STOX1: variants seen among roughly 807,000 people sequenced by gnomAD.
The protein encoded by STOX1 is storkhead-box protein 1.
In STOX1, 57 loss-of-function variants were observed where a neutral mutation model predicts 74.8. The observed-to-expected ratio is 0.76, with a 90% CI of 0.62 to 0.95. The LOEUF is 0.95. Ranked by LOEUF, STOX1 falls within the 40% of genes least tolerant of loss-of-function variation. The probability of loss-of-function intolerance (pLI) is 0.00; values close to 1 mark genes in which losing one functional copy is unlikely to be tolerated. For synonymous variants in STOX1, 375 were observed against 401.3 expected (o/e 0.93, Z 0.78); for missense variants, 1,010 against 1,117.0 (o/e 0.90, Z 1.37).
intron 1 of STOX1, among the ~76,000 whole-genome samples, chr10:68,843,977 G>A (rs898770429): frequency 5.3e-5 from 8 of 152,078 alleles, no homozygotes; most frequent in African/African-American, 1.9e-4. Flanking sequence ...TCAGGAGATC[G>A]AGACCATCCT....
intron 1 of STOX1, among the ~76,000 whole-genome samples, chr10:68,871,207 C>G (rs1840527583): frequency 6.6e-6 from 1 of 152,152 alleles, no homozygotes. Context: ...CTGACTGAGG[C>G]TCCTTGTATC....
intron 3 of STOX1, among the ~76,000 whole-genome samples, chr10:68,891,332 AATAAAC>A (rs1841091159): frequency 6.6e-6 from 1 of 152,204 alleles, no homozygotes; most frequent in Non-Finnish European, 1.5e-5. Context: ...GGAGACAAAC[AATAAAC>A]ATAGGCAAGT....
Position 68,885,400 on chromosome 10 carries a change from G to C in STOX1, c.1604G>C (p.Arg535Thr). 6.2e-7 allele frequency: 1 copy of C among 1,614,140 alleles called. No homozygotes were observed. The highest frequency in any genetic ancestry group is 2.2e-5 in the East Asian group (1 of 44,882). ...AAGGAAAAGCCTTTCCAAAAGCCTA[G>C]GTCCTTGGATTCCTCAAGAATCTTT... ...GPKEKPFQKP[R>T]SLDSSRIFDG... Residue 535 changes from arginine to threonine, a missense_variant, in exon 3 of 4, where the codon AGG becomes ACG. Coordinates refer to ENST00000298596, the MANE Select transcript of STOX1 (RefSeq NM_152709.5).
At chr10:68,873,116 C>T (rs766096324) in intron 1 of STOX1, among the ~76,000 whole-genome samples, 1 of 152,040 alleles carries the variant, frequency 6.6e-6, no homozygotes, top group Non-Finnish European at 1.5e-5. Context: ...CTCAAGCAAT[C>T]CTCCAAGCCT....
chr10:68,843,590 G>C (rs60538142), intron 1 of STOX1, among the ~76,000 whole-genome samples: 8,446 of 152,030 alleles, frequency 0.056, 349 homozygotes, highest in East Asian at 0.23. Flanking sequence ...GCCCTGGCTG[G>C]AGTGCAATGG....
At chr10:68,889,335 C>T (rs1279672303) in intron 3 of STOX1, among the ~76,000 whole-genome samples, 1 of 152,074 alleles carries the variant, frequency 6.6e-6, no homozygotes, top group Non-Finnish European at 1.5e-5. Context: ...AAGTGTAAAA[C>T]GTTTTTTTGT....
rs1177808729 is a variant in STOX1, at chr10:68,892,590, A to T, written c.2824A>T (p.Thr942Ser). 1 of 1,613,334 alleles carries T rather than the reference A, an allele frequency of 6.2e-7. No individual in the cohort carries two copies. Among genetic ancestry groups the T allele is most frequent in the Admixed American group, 1.7e-5 (1 of 60,006 alleles). ...TTCTGTTATTTTTAATATCTTTAGG[A>T]CACAGAGTCTGGGATCTAATAATTC... is the stretch of plus-strand genomic sequence containing the variant. ...AGDSGIDSPRTQSLGSNNSVI... is the reference protein window; with the variant it reads ...AGDSGIDSPRSQSLGSNNSVI... Residue 942 changes from threonine (T) to serine (S), a missense_variant and splice_region_variant, in exon 4 of 4, where the codon ACA becomes TCA. Coordinates refer to ENST00000298596, the MANE Select transcript of STOX1 (RefSeq NM_152709.5).
intron 1 of STOX1, among the ~76,000 whole-genome samples, chr10:68,846,600 T>C (rs144091077): frequency 0.015 from 2,279 of 152,340 alleles, 24 homozygotes; most frequent in Non-Finnish European, 0.023. Context: ...CTGTTCTTTT[T>C]TCTTGATCGA....
At chr10:68,867,582 GC>G (rs1317429250) in intron 1 of STOX1, among the ~76,000 whole-genome samples, 11 of 152,214 alleles carry the variant, frequency 7.2e-5, no homozygotes, top group Non-Finnish European at 1.3e-4. Context: ...GTGCCAAGGG[GC>G]AGGGACAAGC....
At chr10:68,868,183 A>C (rs1400423852) in intron 1 of STOX1, among the ~76,000 whole-genome samples, 1 of 152,236 alleles carries the variant, frequency 6.6e-6, no homozygotes, top group East Asian at 1.9e-4. Context: ...GAATAAAGAC[A>C]CAGACAGAGA....
intron 1 of STOX1, among the ~76,000 whole-genome samples, chr10:68,842,658 G>A (rs940678025): frequency 6.7e-6 from 1 of 149,454 alleles, no homozygotes; most frequent in Admixed American, 6.8e-5. Context: ...CTCTGCCTCA[G>A]CCTCCCGAGT....
At chr10:68,851,924 A>G (rs942572688) in intron 1 of STOX1, among the ~76,000 whole-genome samples, 6 of 152,186 alleles carry the variant, frequency 3.9e-5, no homozygotes, top group African/African-American at 1.4e-4. Context: ...ACCTGAGTTC[A>G]GGAGTTCGAG....
At chr10:68,847,757 T>C (rs571656222) in intron 1 of STOX1, among the ~76,000 whole-genome samples, 13 of 145,968 alleles carry the variant, frequency 8.9e-5, no homozygotes, top group African/African-American at 3.1e-4. Flanking sequence ...GAGACGGAGT[T>C]TCGCTCTTGT....
In STOX1 at chr10:68,892,969, C is replaced by T. The variant is rs185224920; in HGVS notation, c.*233C>T. On this transcript the variant is annotated 3_prime_UTR_variant, in exon 4 of 4. Coordinates refer to ENST00000298596, the MANE Select transcript of STOX1 (RefSeq NM_152709.5). ...TTATTGGGAGTATATAGATTATTTT[C>T]GATTAAAAAGTGGAATTATTGGTCC... 3.3e-4 allele frequency: 130 copies of T among 397,856 alleles called. No homozygotes were observed. The highest frequency in any genetic ancestry group is 7.1e-4 in the Middle Eastern group (1 of 1,402). 24.6% of individuals were successfully genotyped at this position (397,856 alleles called of 1,614,324 possible).
At chr10:68,864,115 G>A (rs1225133968) in intron 1 of STOX1, among the ~76,000 whole-genome samples, 1 of 151,764 alleles carries the variant, frequency 6.6e-6, no homozygotes, top group Non-Finnish European at 1.5e-5. Flanking sequence ...TAGTAGAGGC[G>A]GGGTTTCACC....
chr10:68,863,920 GTTTTTTT>G (rs141718357), intron 1 of STOX1, among the ~76,000 whole-genome samples: 1 of 135,830 alleles, frequency 7.4e-6, no homozygotes, highest in Non-Finnish European at 1.6e-5. Flanking sequence ...AGTTCTGCTT[GTTTTTTT>G]TTTTTTTTTT....
intron 3 of STOX1, among the ~76,000 whole-genome samples, chr10:68,888,250 G>A (rs1449778865): frequency 2.0e-5 from 3 of 151,838 alleles, no homozygotes; most frequent in South Asian, 4.2e-4. Context: ...ACAGGTGCCC[G>A]CCACCACGCC....
At chr10:68,866,812 G>A (rs929412226) in intron 1 of STOX1, among the ~76,000 whole-genome samples, 29 of 152,232 alleles carry the variant, frequency 1.9e-4, no homozygotes, top group Non-Finnish European at 3.2e-4. Flanking sequence ...GTATAGGGGT[G>A]AGGGAGTGGC....
chr10:68,832,874 C>T (rs1213038861), intron 1 of STOX1, among the ~76,000 whole-genome samples: 1 of 151,868 alleles, frequency 6.6e-6, no homozygotes, highest in African/African-American at 2.4e-5. Context: ...AATGATCGTC[C>T]TACCTCAGCC....
Sources: allele counts gnomAD v4.1 joint callset (sites outside exome capture counted in the v4.1 genomes callset), GRCh38; gene constraint gnomAD v4.1.1; transcripts MANE v1.5; gene names NCBI Gene and HGNC (gene_info 2026-07-23, HGNC 2026-07-21).